The following THSD4 variants were observed in gnomAD, a reference collection of about 807,000 sequenced individuals.
THSD4 encodes thrombospondin type-1 domain-containing protein 4.
In THSD4, 69 loss-of-function variants were observed where a neutral mutation model predicts 119.0. The observed-to-expected ratio is 0.58, with a 90% CI of 0.48 to 0.71. The LOEUF (loss-of-function observed/expected upper bound fraction) is 0.71, where lower values mean the gene tolerates loss of function less well. Ranked by LOEUF, THSD4 falls within the 30% of genes least tolerant of loss-of-function variation. The pLI, the probability that THSD4 is intolerant of heterozygous loss-of-function variation, is 0.00. For synonymous variants in THSD4, 524 were observed against 540.4 expected (o/e 0.97, Z 0.42); for missense variants, 1,393 against 1,391.1 (o/e 1.00, Z -0.02).
chr15:71,705,008 T>G (rs905562513), intron 8 of THSD4, among the ~76,000 whole-genome samples: 4 of 151,854 alleles, frequency 2.6e-5, no homozygotes, highest in African/African-American at 4.8e-5. Flanking sequence ...TGATCAAGGG[T>G]GGAGGAGGTG....
chr15:71,257,109 A>C (rs1029616034), intron 6 of THSD4, among the ~76,000 whole-genome samples: 1 of 152,022 alleles, frequency 6.6e-6, no homozygotes, highest in Non-Finnish European at 1.5e-5. Flanking sequence ...GCTTAAGAGA[A>C]CATGTGGGGT....
intron 8 of THSD4, among the ~76,000 whole-genome samples, chr15:71,713,861 G>C (rs1181797498): frequency 6.6e-6 from 1 of 152,150 alleles, no homozygotes; most frequent in East Asian, 1.9e-4. Context: ...TTTGTGGATG[G>C]ATGTGAAACC....
At chr15:71,188,080 C>T (rs962086686) in intron 3 of THSD4, among the ~76,000 whole-genome samples, 6 of 152,182 alleles carry the variant, frequency 3.9e-5, no homozygotes, top group Non-Finnish European at 7.3e-5. Context: ...TTGCCCTACT[C>T]ATGTCTGTCA....
At chr15:71,567,882 A>T (rs531694798) in intron 7 of THSD4, among the ~76,000 whole-genome samples, 1 of 152,148 alleles carries the variant, frequency 6.6e-6, no homozygotes, top group Admixed American at 6.5e-5. Flanking sequence ...GAAGCTCAGA[A>T]CCAATTTACA....
chr15:71,697,430 G>A (rs2052186754), intron 8 of THSD4, among the ~76,000 whole-genome samples: 2 of 152,200 alleles, frequency 1.3e-5, no homozygotes, highest in South Asian at 2.1e-4. Context: ...CTTGCTCAGG[G>A]GAAGTAGGTG....
intron 2 of THSD4, among the ~76,000 whole-genome samples, chr15:71,142,646 G>A (rs1366934783): frequency 2.0e-5 from 3 of 152,170 alleles, no homozygotes; most frequent in Non-Finnish European, 4.4e-5. Flanking sequence ...TGTTTTAGCT[G>A]TGTAGCATTA....
chr15:71,538,497 G>A (rs750248358), intron 7 of THSD4, among the ~76,000 whole-genome samples: 100 of 152,204 alleles, frequency 6.6e-4, no homozygotes, highest in Admixed American at 3.3e-4. Flanking sequence ...TTTAGTATCT[G>A]ACAGTTACCT....
chr15:71,402,332 T>C (rs762162130), intron 6 of THSD4, among the ~76,000 whole-genome samples: 10 of 152,142 alleles, frequency 6.6e-5, no homozygotes, highest in African/African-American at 9.7e-5. Context: ...AATATAATTA[T>C]TGTAATTTAG....
chr15:71,329,544 G>A (rs1209753042), intron 6 of THSD4, among the ~76,000 whole-genome samples: 1 of 152,226 alleles, frequency 6.6e-6, no homozygotes. Flanking sequence ...AAAGGCGAAT[G>A]TCTGTTGAGT....
intron 3 of THSD4, among the ~76,000 whole-genome samples, chr15:71,173,982 C>A (rs1359042920): frequency 6.6e-6 from 1 of 152,086 alleles, no homozygotes; most frequent in East Asian, 1.9e-4. Flanking sequence ...CTATAAAACT[C>A]TTAGAAGAAA....
intron 6 of THSD4, among the ~76,000 whole-genome samples, chr15:71,329,068 C>A (rs1349527858): frequency 2.0e-5 from 3 of 152,212 alleles, no homozygotes; most frequent in African/African-American, 4.8e-5. Context: ...CTGAGAAATA[C>A]CAAGCCTCCG....
chr15:71,199,869 GTGTGTGTGTGGTGCA>G (rs1229233049), intron 3 of THSD4, among the ~76,000 whole-genome samples: 1 of 124,032 alleles, frequency 8.1e-6, no homozygotes, highest in Non-Finnish European at 1.7e-5. Context: ...TGTGGGGTGT[GTGTGTGTGTGGTGCA>G]TGTGTGGTAT....
chr15:71,385,626 T>C (rs1181780004), intron 6 of THSD4, among the ~76,000 whole-genome samples: 1 of 152,156 alleles, frequency 6.6e-6, no homozygotes, highest in African/African-American at 2.4e-5. Context: ...CGTGGCCACC[T>C]GTGATTGACT....
rs963640647 is a variant in THSD4 at position 71,341,389 on chromosome 15, A to C, written c.1016-70298A>C. 4 of 1,612,048 alleles carry C rather than the reference A, an allele frequency of 2.5e-6. No individual in the cohort carries two copies. The African/African-American group carries it at 5.3e-5, about 22-fold the overall frequency. ...TATGCTCAATGACCAGAGAATCTAC[A>C]TCTAAACCCTTAAGTTCAGCATTAC... On this transcript the variant is annotated intron_variant, in intron 6 of 17. Transcript: ENST00000261862.
chr15:71,355,385 G>A (rs746947085), intron 6 of THSD4, among the ~76,000 whole-genome samples: 40 of 152,170 alleles, frequency 2.6e-4, no homozygotes, highest in Non-Finnish European at 4.9e-4. Context: ...TAAAGGCTGT[G>A]TGTGTCATGT....
intron 7 of THSD4, among the ~76,000 whole-genome samples, chr15:71,520,751 C>A (rs2048428096): frequency 1.3e-5 from 2 of 151,506 alleles, no homozygotes; most frequent in Non-Finnish European, 1.5e-5. Context: ...GATGGACTAA[C>A]TGAGCTCTAG....
chr15:71,315,993 TGA>T (rs1372443368), intron 6 of THSD4, among the ~76,000 whole-genome samples: 1 of 152,208 alleles, frequency 6.6e-6, no homozygotes, highest in Non-Finnish European at 1.5e-5. Flanking sequence ...TCAAGGTGAA[TGA>T]GAGGTAAAAT....
intron 7 of THSD4, among the ~76,000 whole-genome samples, chr15:71,614,501 A>G (rs575959963): frequency 3.0e-4 from 46 of 152,276 alleles, no homozygotes; most frequent in African/African-American, 1.1e-3. Context: ...CCTATCCCCG[A>G]TGACCTAACG....
In THSD4 at chr15:71,777,478, G is replaced by A. The variant is rs537446361; in HGVS notation, c.*104G>A. On this transcript the variant is annotated 3_prime_UTR_variant, in exon 18 of 18. Transcript: ENST00000261862. The stretch of plus-strand genomic sequence containing the variant: ...CCACCACGGGCCCCCTGGCCCAGGC[G>A]CTGCCAACCAACTTAGTCACCACCC... The A allele has an allele frequency of 7.5e-6, 11 of 1,463,988 alleles. No homozygotes were observed. Among genetic ancestry groups the A allele is most frequent in the African/African-American group, 5.6e-5 (4 of 71,210 alleles). The allele number at this position is 1,463,988 out of a possible 1,614,324, so 90.7% of individuals were successfully genotyped here.
Sources: gnomAD v4.1 joint callset for allele counts (sites outside exome capture counted in the v4.1 genomes callset) on GRCh38, gnomAD v4.1.1 for gene constraint, MANE v1.5 for transcripts, NCBI Gene and HGNC (gene_info 2026-07-23, HGNC 2026-07-21) for gene names.